Variants in ZNF516 observed in about 807,000 individuals in gnomAD.
The protein encoded by ZNF516 is zinc finger protein 516.
In ZNF516, 19 loss-of-function variants were observed where a neutral mutation model predicts 79.7. That is an observed-to-expected ratio of 0.24 (90% CI 0.17 to 0.35). ZNF516 has a LOEUF of 0.35. Ranked by LOEUF, ZNF516 falls within the 10% of genes least tolerant of loss-of-function variation. The pLI, the probability that ZNF516 is intolerant of heterozygous loss-of-function variation, is 1.00. For synonymous variants in ZNF516, 877 were observed against 739.5 expected, an observed-to-expected ratio of 1.19 and a Z score of -3.02; for missense variants, 1,678 against 1,679.5, an observed-to-expected ratio of 1.00 and a Z score of 0.02.
rs1915327095 is a variant in ZNF516, at chr18:76,493,010, C to T, written c.-272+2134G>A. On this transcript the variant is annotated intron_variant, in intron 1 of 6. Transcript: ENST00000443185. This position sits in a 1 kb window ranked among gnomAD's most constrained non-coding sequence, Gnocchi z 5.2. ...CGCTCACACACACACCCCAAATTACCTCCGGGATGGAGAAAGCCGCTGCGG... is the reference window on the plus strand; with the variant it reads ...CGCTCACACACACACCCCAAATTACTTCCGGGATGGAGAAAGCCGCTGCGG... 2.0e-6 allele frequency: 2 copies of T among 985,528 alleles called. No individual in the cohort carries two copies. Among genetic ancestry groups the T allele is most frequent in the Non-Finnish European group, 2.4e-6 (2 of 830,006 alleles). 61.0% of individuals were successfully genotyped at this position (985,528 alleles called of 1,614,324 possible). A position where few individuals can be genotyped will look rare whatever the true frequency, so the allele number is the denominator to read the frequency against.
chr18:76,491,031 C>G (rs942866456), intron 1 of ZNF516: 2 of 985,364 alleles, frequency 2.0e-6, no homozygotes, highest in Non-Finnish European at 2.4e-6. Flanking sequence ...ACTCCCACCC[C>G]AAATCCGCTC....
intron 1 of ZNF516, chr18:76,487,844 T>TC: frequency 4.0e-6 from 3 of 756,596 alleles, no homozygotes; most frequent in Non-Finnish European, 4.8e-6. Flanking sequence ...GGCCCCTAGA[T>TC]ACATTCCCGT....
At chr18:76,408,004 C>A in intron 3 of ZNF516, among the ~76,000 whole-genome samples, 1 of 152,232 alleles carries the variant, frequency 6.6e-6, no homozygotes, top group Non-Finnish European at 1.5e-5. Flanking sequence ...GCCCGCGCTG[C>A]TTCTGTCCTC....
intron 6 of ZNF516, among the ~76,000 whole-genome samples, chr18:76,366,464 T>C (rs1599127965): frequency 1.3e-5 from 2 of 152,176 alleles, no homozygotes; most frequent in Non-Finnish European, 2.9e-5. Context: ...CTCTCTTTAA[T>C]GAATAATTAA....
rs140667803 is a variant in ZNF516 at position 76,444,765 on chromosome 18, G to A, written c.-157-1554C>T. Among the ~76,000 whole-genome samples, 861 of 152,282 alleles carry A rather than the reference G, an allele frequency of 5.7e-3. 4 individuals carry two copies. Among genetic ancestry groups the A allele is most frequent in the Non-Finnish European group, 8.9e-3 (603 of 68,020 alleles). The stretch of plus-strand genomic sequence containing the variant: ...CTCCCCCACGGGGGTCGGGGATTCT[G>A]AGCATTTTGTATTAATACTTCAACT... On this transcript the variant is annotated intron_variant, in intron 2 of 6. Transcript: ENST00000443185.
intron 3 of ZNF516, 64 bp downstream of exon 3, chr18:76,441,181 T>C: frequency 1.3e-6 from 2 of 1,543,194 alleles, no homozygotes; most frequent in Non-Finnish European, 8.7e-7. Flanking sequence ...TACGTTTACC[T>C]GGAAGCAGGA....
intron 3 of ZNF516, among the ~76,000 whole-genome samples, chr18:76,416,257 C>G (rs1290804742): frequency 2.0e-5 from 3 of 152,246 alleles, no homozygotes; most frequent in Admixed American, 1.3e-4. Context: ...GTTCCCCAGG[C>G]AGGACTGCCC....
chr18:76,446,074 C>T (rs1285979730), intron 2 of ZNF516, among the ~76,000 whole-genome samples: 2 of 141,882 alleles, frequency 1.4e-5, no homozygotes, highest in African/African-American at 4.9e-5. Context: ...ACCCTGGTCC[C>T]AGCCCTCATG....
At chr18:76,384,707 G>A (rs542181031) in intron 3 of ZNF516, among the ~76,000 whole-genome samples, 1 of 151,648 alleles carries the variant, frequency 6.6e-6, no homozygotes, top group East Asian at 2.0e-4. Flanking sequence ...CCGGGGAGGG[G>A]GCTCCAGCTC....
Position 76,441,702 on chromosome 18 carries a change from C to T in ZNF516, c.1353G>A (p.Lys451=). The T allele has an allele frequency of 6.4e-7, 1 of 1,570,842 alleles. No homozygotes were observed. The highest frequency in any genetic ancestry group is 1.2e-5 in the South Asian group (1 of 86,096). ...TCACCAGGACGTACTCGCGCCTGTC[C>T]TTGTCGAAGGCCACGTCCCCGGCCA... ...EALAGDVAFD[K]DRREYVLVSQ... is the part of the protein sequence containing the mutation. The change falls in exon 3 of 7, where the codon AAG becomes AAA. Residue 451 remains lysine, a synonymous_variant. Transcript: ENST00000443185.
At chr18:76,399,858 C>T (rs1707069384) in intron 3 of ZNF516, among the ~76,000 whole-genome samples, 2 of 152,140 alleles carry the variant, frequency 1.3e-5, no homozygotes, top group South Asian at 4.1e-4. Context: ...CACCATGTTT[C>T]TGCTTGGAAC....
At chr18:76,374,998 C>T (rs1470560349) in intron 4 of ZNF516, among the ~76,000 whole-genome samples, 5 of 152,048 alleles carry the variant, frequency 3.3e-5, no homozygotes, top group Non-Finnish European at 7.4e-5. Flanking sequence ...AACAGCTGAA[C>T]AGAAACAAGT....
intron 4 of ZNF516, among the ~76,000 whole-genome samples, chr18:76,376,896 G>A (rs537990247): frequency 1.3e-5 from 2 of 152,258 alleles, no homozygotes; most frequent in Non-Finnish European, 1.5e-5. Flanking sequence ...AGCGGGCCAG[G>A]TGCAGCTGGG....
chr18:76,367,657 A>G (rs2074636446), intron 6 of ZNF516, among the ~76,000 whole-genome samples: 2 of 152,040 alleles, frequency 1.3e-5, no homozygotes, highest in Non-Finnish European at 2.9e-5. Context: ...TCCAGCCTCA[A>G]TGACAGGGCC....
At chr18:76,470,967 T>C (rs369937021) in intron 1 of ZNF516, among the ~76,000 whole-genome samples, 64 of 152,340 alleles carry the variant, frequency 4.2e-4, no homozygotes, top group African/African-American at 1.5e-3. Context: ...ATTTTTTAAA[T>C]TTCTTTTCTA....
At chr18:76,370,301 C>A (rs1459606350) in intron 6 of ZNF516, among the ~76,000 whole-genome samples, 2 of 152,224 alleles carry the variant, frequency 1.3e-5, no homozygotes, top group African/African-American at 2.4e-5. Flanking sequence ...AACCAACAAC[C>A]AGCTGTGTGC....
At position 76,441,677 on chromosome 18, in the gene ZNF516, T is replaced by C; in HGVS notation, c.1378A>G (p.Ser460Gly). 6.4e-7 allele frequency: 1 copy of C among 1,555,186 alleles called. No individual in the cohort carries two copies. Residue 460 changes from serine to glycine, a missense_variant, in exon 3 of 7, where the codon AGC becomes GGC. By Grantham distance (56) the Ser-to-Gly change is moderately conservative. This residue lies in a region of ZNF516 where 1,294 missense variants were observed against 1,248.3 expected (regional missense o/e 1.04). Coordinates refer to ENST00000443185, the MANE Select transcript of ZNF516 (RefSeq NM_014643.4). ...DKDRREYVLV[S>G]QEKRKREQDA... The stretch of plus-strand genomic sequence containing the variant: ...TGCTCACGCTTGCGCTTCTCCTGGC[T>C]CACCAGGACGTACTCGCGCCTGTCC...
chr18:76,469,137 C>T (rs1159036965), intron 1 of ZNF516, among the ~76,000 whole-genome samples: 1 of 152,100 alleles, frequency 6.6e-6, no homozygotes, highest in African/African-American at 2.4e-5. Flanking sequence ...TATAAATAAC[C>T]GAGGTAGTCA....
At chr18:76,449,028 A>C (rs1177545934) in intron 2 of ZNF516, among the ~76,000 whole-genome samples, 1 of 152,062 alleles carries the variant, frequency 6.6e-6, no homozygotes, top group Non-Finnish European at 1.5e-5. Context: ...CAAGCACAAA[A>C]CACCAGGTCC....
Sources: gnomAD v4.1 joint callset for allele counts (sites outside exome capture counted in the v4.1 genomes callset) on GRCh38, gnomAD v4.1.1 for gene constraint, gnomAD v4.1.1 regional missense constraint, Gnocchi (gnomAD v3.1) non-coding constraint, MANE v1.5 for transcripts, NCBI Gene and HGNC (gene_info 2026-07-23, HGNC 2026-07-21) for gene names.